Variants in ANK3 observed in about 807,000 individuals in gnomAD.
ANK3 encodes the protein ankyrin-3.
Under a neutral mutation model 370.9 loss-of-function variants are expected in ANK3, and 57 were observed. That is an observed-to-expected ratio of 0.15 (90% CI 0.12 to 0.19). The LOEUF is 0.19. Ranked by LOEUF, ANK3 falls within the 10% of genes least tolerant of loss-of-function variation. The probability of loss-of-function intolerance (pLI) is 1.00; values close to 1 mark genes in which losing one functional copy is unlikely to be tolerated. For synonymous variants in ANK3, 1,929 were observed against 1,946.3 expected, an observed-to-expected ratio of 0.99 and a Z score of 0.23; for missense variants, 4,439 against 5,302.1, an observed-to-expected ratio of 0.84 and a Z score of 5.06.
intron 2 of ANK3, among the ~76,000 whole-genome samples, chr10:60,515,438 A>C (rs1316835250): frequency 2.0e-5 from 3 of 152,188 alleles, no homozygotes; most frequent in Non-Finnish European, 4.4e-5. Flanking sequence ...ATGATTACAC[A>C]GGAACTTCTC....
At chr10:60,382,900 A>G (rs529900148) in intron 1 of ANK3, among the ~76,000 whole-genome samples, 3 of 151,470 alleles carry the variant, frequency 2.0e-5, no homozygotes, top group Non-Finnish European at 4.4e-5. Flanking sequence ...CACTAAGTAT[A>G]AAGGAATATA....
rs138195484 is a variant in ANK3, at chr10:60,073,674, A to G, written c.7207T>C (p.Leu2403=). 1.5e-5 allele frequency: 24 copies of G among 1,613,936 alleles called. No individual in the cohort carries two copies. The African/African-American group carries it at 3.2e-4, about 22-fold the overall frequency. ...EEEELTAEES[L]PSYLESSRVN... is the part of the protein sequence containing the mutation. ...CTGGAAGACTCCAGATAAGAAGGCA[A>G]TGACTCTTCAGCAGTAAGTTCTTCT... Residue 2403 remains leucine (L), a synonymous_variant, in exon 37 of 44, where the codon TTG becomes CTG. Transcript: ENST00000280772.
chr10:60,487,596 T>C lies in ANK3; in HGVS notation c.96+127590A>G, dbSNP rs7897307. Among the ~76,000 whole-genome samples the C allele has an allele frequency of 3.0e-3, 462 of 152,194 alleles. 8 individuals carry two copies. Among genetic ancestry groups the C allele is most frequent in the African/African-American group, 0.011 (444 of 41,524 alleles). ...ACTTGGTAAAATGCATATCTCTGGG[T>C]CCCAGCAAAGAAAATCTGACTTGGA... is the stretch of plus-strand genomic sequence containing the variant. On this transcript the variant is annotated intron_variant, in intron 2 of 43. Coordinates refer to the ANK3 transcript ENST00000373827.
chr10:60,520,310 C>G (rs1035020054), intron 2 of ANK3, among the ~76,000 whole-genome samples: 11 of 152,066 alleles, frequency 7.2e-5, no homozygotes, highest in African/African-American at 2.7e-4. Flanking sequence ...TGAGAAACTA[C>G]TTATTGAGTA....
At chr10:60,084,376 A>G (rs1169379148) in intron 32 of ANK3, 2 of 192,142 alleles carry the variant, frequency 1.0e-5, no homozygotes, top group African/African-American at 4.7e-5. Flanking sequence ...ACTGCACTCC[A>G]GCCTCGGCAA....
intron 18 of ANK3, among the ~76,000 whole-genome samples, chr10:60,177,286 G>A (rs2095995501): frequency 6.6e-6 from 1 of 152,154 alleles, no homozygotes; most frequent in African/African-American, 2.4e-5. Context: ...CTTTCACAGT[G>A]TCAGCTAATA....
intron 1 of ANK3, among the ~76,000 whole-genome samples, chr10:60,349,092 G>T (rs2056343578): frequency 6.6e-6 from 1 of 152,276 alleles, no homozygotes; most frequent in East Asian, 1.9e-4. Flanking sequence ...AGAGAGGGAA[G>T]AGCATCAGTA....
At chr10:60,611,825 C>T (rs2078205769) in intron 2 of ANK3, among the ~76,000 whole-genome samples, 1 of 150,132 alleles carries the variant, frequency 6.7e-6, no homozygotes, top group African/African-American at 2.5e-5. Flanking sequence ...TAAAAAGTGA[C>T]CTCGGTTTCT....
chr10:60,402,626 A>G (rs1040353355), intron 2 of ANK3, among the ~76,000 whole-genome samples: 3 of 152,238 alleles, frequency 2.0e-5, no homozygotes, highest in Non-Finnish European at 4.4e-5. Context: ...GCAATTTTGC[A>G]CTAGTCCAAG....
intron 1 of ANK3, among the ~76,000 whole-genome samples, chr10:60,301,198 A>G (rs1164141834): frequency 1.4e-5 from 2 of 147,810 alleles, no homozygotes; most frequent in African/African-American, 5.0e-5. Context: ...ATGTGTGTGT[A>G]TATATATACT....
At chr10:60,710,444 TAG>T (rs1316763105) in intron 1 of ANK3, among the ~76,000 whole-genome samples, 2 of 152,166 alleles carry the variant, frequency 1.3e-5, no homozygotes, top group Admixed American at 6.5e-5. Flanking sequence ...CTTTTTATAA[TAG>T]AGTTTCCTAT....
At chr10:60,693,180 T>C (rs1197593516) in intron 1 of ANK3, among the ~76,000 whole-genome samples, 1 of 152,224 alleles carries the variant, frequency 6.6e-6, no homozygotes, top group African/African-American at 2.4e-5. Context: ...CCACCCCGAA[T>C]ACTGCACTTT....
chr10:60,309,345 A>G (rs1593457994), intron 1 of ANK3, among the ~76,000 whole-genome samples: 1 of 152,226 alleles, frequency 6.6e-6, no homozygotes, highest in South Asian at 2.1e-4. Context: ...AGCATGCAAA[A>G]CTCACAATTG....
At chr10:60,610,825 C>G (rs1480959646) in intron 2 of ANK3, among the ~76,000 whole-genome samples, 1 of 152,154 alleles carries the variant, frequency 6.6e-6, no homozygotes, top group East Asian at 1.9e-4. Context: ...TAGAGTGGCT[C>G]TAGAAAACAG....
chr10:60,558,550 C>A (rs1349209272), intron 2 of ANK3, among the ~76,000 whole-genome samples: 1 of 152,304 alleles, frequency 6.6e-6, no homozygotes, highest in East Asian at 1.9e-4. Context: ...TTATATACCA[C>A]CCTATTCCCT....
intron 2 of ANK3, among the ~76,000 whole-genome samples, chr10:60,399,656 A>C (rs969386487): frequency 2.0e-5 from 3 of 152,192 alleles, no homozygotes; most frequent in African/African-American, 7.2e-5. Flanking sequence ...AGGTGGACTG[A>C]ATCTGCCCCA....
At chr10:60,203,803 G>T (rs879475035) in intron 11 of ANK3, among the ~76,000 whole-genome samples, 3 of 152,074 alleles carry the variant, frequency 2.0e-5, no homozygotes, top group African/African-American at 7.2e-5. Context: ...ATTGATTCCA[G>T]GATATTTTAT....
intron 31 of ANK3, 72 bp downstream of exon 31, chr10:60,085,085 A>G: frequency 7.7e-7 from 1 of 1,299,968 alleles, no homozygotes; most frequent in Non-Finnish European, 1.1e-6. Context: ...TATTGAACAC[A>G]ACAATTTTTA....
rs1329996143 is a variant in ANK3, at chr10:60,074,787, T to C, written c.6094A>G (p.Lys2032Glu). 5 of 1,614,162 alleles carry C rather than the reference T, an allele frequency of 3.1e-6. No individual in the cohort carries two copies. The South Asian group carries it at 5.5e-5, about 18-fold the overall frequency. The change falls in exon 37 of 44, where the codon AAA becomes GAA. Residue 2032 changes from lysine (K) to glutamate (E), a missense_variant. Lys to Glu is a moderately conservative substitution (Grantham distance 56). Around this residue, in one of 13 missense-constraint regions of ANK3, gnomAD observed 679 missense variants for 791.0 expected, o/e 0.86. Transcript: ENST00000280772. ...AASEKDYNLT[K>E]VIDYLTNDIG... Reference sequence around the variant, plus strand: ...TCATTTGTTAGGTAATCAATAACTTTGGTCAAGTTATAATCCTTTTCGGAG... The same window carrying C: ...TCATTTGTTAGGTAATCAATAACTTCGGTCAAGTTATAATCCTTTTCGGAG...
Sources: gnomAD v4.1 joint callset for allele counts (sites outside exome capture counted in the v4.1 genomes callset) on GRCh38, gnomAD v4.1.1 for gene constraint, gnomAD v4.1.1 regional missense constraint, MANE v1.5 for transcripts, NCBI Gene and HGNC (gene_info 2026-07-23, HGNC 2026-07-21) for gene names.